Variants in SKOR2 observed in about 807,000 individuals in gnomAD.
SKOR2 encodes SKI family transcriptional corepressor 2, also known as LBX1 corepressor 1-like protein.
SKOR2 carries 47 observed loss-of-function variants against 69.1 expected under a neutral mutation model. The observed-to-expected ratio is 0.68, with a 90% CI of 0.54 to 0.87. SKOR2 has a LOEUF of 0.87. SKOR2 is among the 40% of genes least tolerant of loss of function. The pLI, the probability that SKOR2 is intolerant of heterozygous loss-of-function variation, is 0.00. For missense variants in SKOR2, 1,404 were observed against 1,472.2 expected (o/e 0.95, Z 0.76); for synonymous variants, 717 against 672.6 (o/e 1.07, Z -1.02).
At position 47,248,063 on chromosome 18, in the gene SKOR2, G is replaced by A; in HGVS notation, c.1121C>T (p.Ala374Val). Residue 374 changes from alanine to valine, a missense_variant, in exon 2 of 9, where the codon GCC becomes GTC. Transcript: ENST00000425639. The surrounding 1 kb of genome is among the most constrained non-coding windows in gnomAD (Gnocchi z 6.4). Reference protein sequence around the residue: ...AGAGAGAGAGAKGPRSYPVIP... With the variant: ...AGAGAGAGAGVKGPRSYPVIP... Reference sequence around the variant, plus strand: ...GACTGGGTAGCTGCGCGGGCCTTTGGCCCCTGCCCCGGCACCCGCCCCCGC... The same window carrying A: ...GACTGGGTAGCTGCGCGGGCCTTTGACCCCTGCCCCGGCACCCGCCCCCGC... 1 of 1,415,264 alleles carries A rather than the reference G, an allele frequency of 7.1e-7. No individual in the cohort carries two copies. The highest frequency in any genetic ancestry group is 9.2e-7 in the Non-Finnish European group (1 of 1,085,142). 87.7% of individuals were successfully genotyped at this position (1,415,264 alleles called of 1,614,324 possible). A position where few individuals can be genotyped will look rare whatever the true frequency, so the allele number is the denominator to read the frequency against.
At chr18:47,222,703 C>A (rs1037955087) in intron 6 of SKOR2, among the ~76,000 whole-genome samples, 1 of 152,186 alleles carries the variant, frequency 6.6e-6, no homozygotes, top group African/African-American at 2.4e-5. Context: ...TGCCTTTGAC[C>A]AGGGTGGTAA....
chr18:47,216,559 A>C (rs559048493), intron 7 of SKOR2, among the ~76,000 whole-genome samples: 4 of 152,312 alleles, frequency 2.6e-5, no homozygotes, highest in African/African-American at 9.6e-5. Context: ...AAAAGAAGCA[A>C]TGGTGCAGAA....
At chr18:47,212,818 A>T (rs1485778633) in intron 7 of SKOR2, among the ~76,000 whole-genome samples, 2 of 152,000 alleles carry the variant, frequency 1.3e-5, no homozygotes, top group South Asian at 2.1e-4. Context: ...ATAAAAAATT[A>T]AAAAATTAGC....
At position 47,247,499 on chromosome 18, in the gene SKOR2, G is replaced by C; in HGVS notation, c.1685C>G (p.Pro562Arg). 2 of 1,208,190 alleles carry C rather than the reference G, an allele frequency of 1.7e-6. No individual in the cohort carries two copies. The highest frequency in any genetic ancestry group is 4.1e-5 in the South Asian group (1 of 24,338). The allele number at this position is 1,208,190 out of a possible 1,614,324, so 74.8% of individuals were successfully genotyped here. Reference protein sequence around the residue: ...GSRDALFESPPGGSGGDCSAG... With the variant: ...GSRDALFESPRGGSGGDCSAG... Reference sequence around the variant, plus strand: ...GCTGCAGTCCCCGCCGCTGCCGCCCGGGGGCGACTCGAAGAGCGCGTCGCG... The same window carrying C: ...GCTGCAGTCCCCGCCGCTGCCGCCCCGGGGCGACTCGAAGAGCGCGTCGCG... The change falls in exon 2 of 9, where the codon CCG becomes CGG. Residue 562 changes from proline to arginine, a missense_variant. Physicochemically the swap from Pro to Arg is moderately radical, Grantham distance 103. Around this residue, in one of 3 missense-constraint regions of SKOR2, gnomAD observed 1,266 missense variants for 1,309.9 expected, o/e 0.97. Coordinates refer to ENST00000425639, the MANE Select transcript of SKOR2 (RefSeq NM_001278063.4). This position sits in a 1 kb window ranked among gnomAD's most constrained non-coding sequence, Gnocchi z 6.6.
intron 7 of SKOR2, among the ~76,000 whole-genome samples, chr18:47,217,697 A>G (rs541158004): frequency 1.3e-5 from 2 of 152,256 alleles, no homozygotes; most frequent in South Asian, 2.1e-4. Context: ...TGGAGTCAGC[A>G]GGAAAACCTT....
chr18:47,214,782 T>G (rs1342822045), intron 7 of SKOR2, among the ~76,000 whole-genome samples: 1 of 152,098 alleles, frequency 6.6e-6, no homozygotes, highest in African/African-American at 2.4e-5. Flanking sequence ...TTCAGCAAAT[T>G]CTCCCCAACT....
At position 47,246,664 on chromosome 18, in the gene SKOR2, GGGCGGC is replaced by G. The variant is rs1568090840; in HGVS notation, c.2514_2519del (p.Pro839_Pro840del). On this transcript the variant is annotated inframe_deletion, in exon 2 of 9. Coordinates refer to ENST00000425639, the MANE Select transcript of SKOR2 (RefSeq NM_001278063.4). Reference sequence around the variant, plus strand: ...CGCCACTCGCCTTCTGGGGGGCCAGGGGCGGCGGCGGGGGCGGGGGCAGGTCCGAGC... The same window carrying G: ...CGCCACTCGCCTTCTGGGGGGCCAGGGGCGGGGGCGGGGGCAGGTCCGAGC... 4 of 1,497,564 alleles carry G rather than the reference GGGCGGC, an allele frequency of 2.7e-6. No individual in the cohort carries two copies. The highest frequency in any genetic ancestry group is 2.6e-5 in the East Asian group (1 of 37,964). The allele number at this position is 1,497,564 out of a possible 1,614,324, so 92.8% of individuals were successfully genotyped here.
At chr18:47,246,105 T>G (rs1712723324) in intron 2 of SKOR2, among the ~76,000 whole-genome samples, 2 of 152,184 alleles carry the variant, frequency 1.3e-5, no homozygotes, top group Non-Finnish European at 2.9e-5. Flanking sequence ...AAAACTGCAT[T>G]TAACTTTTGA....
Position 47,245,531 on chromosome 18 carries a change from T to A in SKOR2, c.2644A>T (p.Ile882Phe). ...CTGTTGTCATCCTTTGTAGATACAATTACTTGGTTATTTTCCTTAGTTTTC... is the reference window on the plus strand; with the variant it reads ...CTGTTGTCATCCTTTGTAGATACAAATACTTGGTTATTTTCCTTAGTTTTC... Reference protein sequence around the residue: ...SQKTKENNQVIVSTKDDNSFS... With the variant: ...SQKTKENNQVFVSTKDDNSFS... The change falls in exon 3 of 9, where the codon ATT (isoleucine) becomes TTT (phenylalanine). Residue 882 changes from isoleucine to phenylalanine, a missense_variant. Physicochemically the swap from Ile to Phe is conservative, Grantham distance 21. Around this residue, in one of 3 missense-constraint regions of SKOR2, gnomAD observed 1,266 missense variants for 1,309.9 expected, o/e 0.97. Coordinates refer to ENST00000425639, the MANE Select transcript of SKOR2 (RefSeq NM_001278063.4). 1.3e-6 allele frequency: 2 copies of A among 1,500,992 alleles called. No homozygotes were observed. Among genetic ancestry groups the A allele is most frequent in the South Asian group, 2.5e-5 (2 of 79,566 alleles). 93.0% of individuals were successfully genotyped at this position (1,500,992 alleles called of 1,614,324 possible). A position where few individuals can be genotyped will look rare whatever the true frequency, so the allele number is the denominator to read the frequency against.
chr18:47,216,501 T>C (rs2144481437), intron 7 of SKOR2, among the ~76,000 whole-genome samples: 1 of 152,076 alleles, frequency 6.6e-6, no homozygotes, highest in East Asian at 1.9e-4. Flanking sequence ...ACAAAGAGAG[T>C]CAATCATTTG....
intron 6 of SKOR2, among the ~76,000 whole-genome samples, chr18:47,222,166 C>T (rs1433040907): frequency 1.3e-5 from 2 of 151,800 alleles, no homozygotes; most frequent in African/African-American, 4.8e-5. Flanking sequence ...ACTAAAAATA[C>T]AAAAAATTAT....
intron 4 of SKOR2, among the ~76,000 whole-genome samples, chr18:47,231,779 G>T (rs1232243958): frequency 1.3e-5 from 2 of 151,230 alleles, no homozygotes; most frequent in Non-Finnish European, 2.9e-5. Flanking sequence ...GGAGGCGGAG[G>T]TTGCGGTGAG....
At position 47,251,015 on chromosome 18, in the gene SKOR2, C is replaced by A. The variant is rs1457496967; in HGVS notation, c.-48+359G>T. Reference sequence around the variant, plus strand: ...TGGCTCTGCGTTAAGGACTCGCAGCCTTAGCAGCAGTAGACCAGGCAGAAG... The same window carrying A: ...TGGCTCTGCGTTAAGGACTCGCAGCATTAGCAGCAGTAGACCAGGCAGAAG... On this transcript the variant is annotated intron_variant, in intron 1 of 8. Coordinates refer to ENST00000425639, the MANE Select transcript of SKOR2 (RefSeq NM_001278063.4). 2.2e-4 allele frequency among the ~76,000 whole-genome samples: 33 copies of A among 151,628 alleles called. 1 individual carries two copies. In the South Asian group the frequency reaches 6.9e-3, roughly 32 times the overall value.
At chr18:47,220,189 C>T (rs2064156982) in intron 6 of SKOR2, among the ~76,000 whole-genome samples, 179 bp from the exon 7 acceptor site, 2 of 151,994 alleles carry the variant, frequency 1.3e-5, no homozygotes, top group African/African-American at 4.8e-5. Context: ...TTTAATCAGA[C>T]TAGACAGTAA....
chr18:47,218,234 C>T (rs992009136), intron 7 of SKOR2, among the ~76,000 whole-genome samples: 1 of 152,208 alleles, frequency 6.6e-6, no homozygotes, highest in Middle Eastern at 3.4e-3. Context: ...ATACTCACCA[C>T]CACCCCCTGA....
chr18:47,234,962 A>G (rs1020685170), intron 4 of SKOR2, among the ~76,000 whole-genome samples: 3 of 152,074 alleles, frequency 2.0e-5, no homozygotes, highest in African/African-American at 7.2e-5. Flanking sequence ...TATTTCTTGG[A>G]AGCCCAGCCT....
rs187474315 is a variant in SKOR2 at position 47,235,683 on chromosome 18, A to T, written c.2753-4683T>A. On this transcript the variant is annotated intron_variant, in intron 4 of 8. Transcript: ENST00000425639. ...TCACATGTCATTAGAAACTGGAAGT[A>T]TGAGAAAGATGGGTGAGAGAAGTAA... 1.4e-3 allele frequency among the ~76,000 whole-genome samples: 208 copies of T among 149,388 alleles called. 1 individual carries two copies. The highest frequency in any genetic ancestry group is 1.3e-4 in the Non-Finnish European group (9 of 67,254).
At chr18:47,228,493 T>C (rs1327533295) in intron 6 of SKOR2, among the ~76,000 whole-genome samples, 1 of 152,214 alleles carries the variant, frequency 6.6e-6, no homozygotes, top group Non-Finnish European at 1.5e-5. Context: ...GATTACTTAA[T>C]TCCTTAGAAT....
Position 47,247,178 on chromosome 18 carries a change from GGGTGGTGGTGGTGGTGGT to G in SKOR2, c.1988_2005del (p.His663_His668del), listed in dbSNP as rs568565349. ...CAGAAGCGGCGACGGCGGCTGCGGGGGGTGGTGGTGGTGGTGGTGGTGGTGAGGGTGGTGATGGTGGTG... is the reference window on the plus strand; with the variant it reads ...CAGAAGCGGCGACGGCGGCTGCGGGGGGTGGTGAGGGTGGTGATGGTGGTG... On this transcript the variant is annotated inframe_deletion, in exon 2 of 9. Coordinates refer to ENST00000425639, the MANE Select transcript of SKOR2 (RefSeq NM_001278063.4). This position sits in a 1 kb window ranked among gnomAD's most constrained non-coding sequence, Gnocchi z 6.6. The G allele has an allele frequency of 7.8e-7, 1 of 1,279,026 alleles. No individual in the cohort carries two copies. The highest frequency in any genetic ancestry group is 3.4e-5 in the Admixed American group (1 of 29,166). 79.2% of individuals were successfully genotyped at this position (1,279,026 alleles called of 1,614,324 possible).
Sources: allele counts gnomAD v4.1 joint callset (sites outside exome capture counted in the v4.1 genomes callset), GRCh38; gene constraint gnomAD v4.1.1; regional missense constraint gnomAD v4.1.1; non-coding constraint Gnocchi (gnomAD v3.1); transcripts MANE v1.5; gene names NCBI Gene and HGNC (gene_info 2026-07-23, HGNC 2026-07-21).